CCDC102B: variants seen among roughly 807,000 people sequenced by gnomAD.
CCDC102B encodes the protein coiled-coil domain-containing protein 102B.
In CCDC102B, 75 loss-of-function variants were observed where a neutral mutation model predicts 57.4. That is an observed-to-expected ratio of 1.31 (90% CI 1.08 to 1.58). The LOEUF is 1.58. CCDC102B is among the 40% of genes most tolerant of loss of function. CCDC102B has a pLI of 0.00. For synonymous variants in CCDC102B, 206 were observed against 201.9 expected, an observed-to-expected ratio of 1.02 and a Z score of -0.17; for missense variants, 636 against 582.6, an observed-to-expected ratio of 1.09 and a Z score of -0.94.
rs371436440 is a variant in CCDC102B, at chr18:68,844,642, A to C, written c.828-1671A>C. Among the ~76,000 whole-genome samples, 22 of 152,050 alleles carry C rather than the reference A, an allele frequency of 1.4e-4. No homozygotes were observed. The South Asian group carries it at 3.9e-3, about 27-fold the overall frequency. Reference sequence around the variant, plus strand: ...ATCACCCAAAACTTAAAATGCACTCAAATGTTAGATATGCAATATATTTCA... The same window carrying C: ...ATCACCCAAAACTTAAAATGCACTCCAATGTTAGATATGCAATATATTTCA... On this transcript the variant is annotated intron_variant, in intron 3 of 7. Coordinates refer to ENST00000360242, the MANE Select transcript of CCDC102B (RefSeq NM_024781.3).
At chr18:68,871,551 G>A (rs2039239441) in intron 4 of CCDC102B, among the ~76,000 whole-genome samples, 1 of 152,032 alleles carries the variant, frequency 6.6e-6, no homozygotes, top group Non-Finnish European at 1.5e-5. Context: ...AAGTATAGTT[G>A]TTTAATTAAT....
At chr18:68,947,976 G>A (rs1037887103) in intron 6 of CCDC102B, among the ~76,000 whole-genome samples, 1 of 152,068 alleles carries the variant, frequency 6.6e-6, no homozygotes, top group African/African-American at 2.4e-5. Flanking sequence ...AATGGTAATT[G>A]TCCTAGCTGG....
intron 6 of CCDC102B, among the ~76,000 whole-genome samples, chr18:68,993,581 C>T (rs922352461): frequency 2.6e-5 from 4 of 151,984 alleles, no homozygotes; most frequent in African/African-American, 7.3e-5. Flanking sequence ...TTTAAATGAC[C>T]GATTTTATCC....
chr18:68,995,659 A>G (rs138325173), intron 6 of CCDC102B, among the ~76,000 whole-genome samples: 7 of 152,220 alleles, frequency 4.6e-5, no homozygotes, highest in African/African-American at 1.4e-4. Context: ...AAATGCCTCA[A>G]TGTCCAAGCA....
At chr18:68,832,508 T>A (rs868601121) in intron 1 of CCDC102B, among the ~76,000 whole-genome samples, 1 of 152,124 alleles carries the variant, frequency 6.6e-6, no homozygotes, top group Admixed American at 6.5e-5. Flanking sequence ...GTTGTTGTGC[T>A]GTGTTTTGTT....
At chr18:68,957,920 A>T (rs971756257) in intron 6 of CCDC102B, among the ~76,000 whole-genome samples, 5 of 151,974 alleles carry the variant, frequency 3.3e-5, no homozygotes, top group African/African-American at 1.2e-4. Context: ...CACTATTGGC[A>T]TGTATTTGTC....
intron 7 of CCDC102B, among the ~76,000 whole-genome samples, chr18:69,050,091 G>T (rs1212565382): frequency 6.6e-6 from 1 of 152,128 alleles, no homozygotes; most frequent in Non-Finnish European, 1.5e-5. Flanking sequence ...TTATAGGCAT[G>T]AGCCACTGCG....
intron 2 of CCDC102B, among the ~76,000 whole-genome samples, chr18:68,783,901 T>C (rs1366634756): frequency 2.6e-5 from 4 of 152,160 alleles, no homozygotes; most frequent in South Asian, 2.1e-4. Context: ...TTGAGTATAA[T>C]TGACTCAGGT....
intron 1 of CCDC102B, among the ~76,000 whole-genome samples, chr18:68,822,861 T>C (rs973892558): frequency 4.4e-5 from 5 of 113,586 alleles, no homozygotes; most frequent in Non-Finnish European, 8.5e-5. Context: ...GGCAGGAGAA[T>C]AGGGTCTGGA....
chr18:68,828,322 C>CAAAAAAAAAAAAAAAAAAAA (rs58180806), intron 1 of CCDC102B, among the ~76,000 whole-genome samples: 1 of 80,802 alleles, frequency 1.2e-5, no homozygotes, highest in Non-Finnish European at 2.3e-5. Flanking sequence ...ACCCTATTTA[C>CAAAAAAAAAAAAAAAAAAAA]AAAAAAAAAA....
intron 7 of CCDC102B, among the ~76,000 whole-genome samples, chr18:69,027,323 T>C (rs1257621481): frequency 6.6e-6 from 1 of 152,218 alleles, no homozygotes; most frequent in Non-Finnish European, 1.5e-5. Flanking sequence ...CTTGACATTA[T>C]TAAAACGGTT....
At chr18:68,716,464 A>G (rs1031009921) in intron 1 of CCDC102B, 2 of 152,200 alleles carry the variant, frequency 1.3e-5, no homozygotes, top group South Asian at 2.1e-4. Flanking sequence ...ACATGTGGCT[A>G]TTGAGCTTTT....
intron 4 of CCDC102B, among the ~76,000 whole-genome samples, chr18:68,849,830 A>T (rs2038043803): frequency 6.6e-6 from 1 of 152,026 alleles, no homozygotes; most frequent in Non-Finnish European, 1.5e-5. Context: ...ATTACTGTTG[A>T]CTCACATATA....
chr18:68,932,397 T>C (rs2041706085), intron 6 of CCDC102B, among the ~76,000 whole-genome samples: 1 of 151,944 alleles, frequency 6.6e-6, no homozygotes, highest in African/African-American at 2.4e-5. Context: ...GGAGAAGCAG[T>C]ACTTTTCTTA....
chr18:69,031,064 T>C (rs1295248512), intron 7 of CCDC102B, among the ~76,000 whole-genome samples: 1 of 152,238 alleles, frequency 6.6e-6, no homozygotes, highest in African/African-American at 2.4e-5. Flanking sequence ...TGCATTCAGG[T>C]GCTTATGACC....
At chr18:69,018,759 T>C (rs2051742996) in intron 7 of CCDC102B, among the ~76,000 whole-genome samples, 1 of 152,154 alleles carries the variant, frequency 6.6e-6, no homozygotes, top group African/African-American at 2.4e-5. Context: ...AGAAGCTTTT[T>C]AGTTTTATGC....
intron 3 of CCDC102B, 27 bp from the exon 4 acceptor site, chr18:68,846,286 T>G: frequency 7.1e-7 from 1 of 1,414,018 alleles, no homozygotes; most frequent in Non-Finnish European, 9.3e-7. Context: ...AGCCGACTTT[T>G]TTTCTTTTAA....
At chr18:68,760,970 T>C (rs2034235950) in intron 2 of CCDC102B, among the ~76,000 whole-genome samples, 1 of 152,014 alleles carries the variant, frequency 6.6e-6, no homozygotes, top group African/African-American at 2.4e-5. Flanking sequence ...AAATTCAGCC[T>C]CTTTTGCAGC....
chr18:68,963,803 A>ATATGTATG (rs527362804), intron 6 of CCDC102B, among the ~76,000 whole-genome samples: 39 of 151,712 alleles, frequency 2.6e-4, no homozygotes, highest in Non-Finnish European at 5.0e-4. Context: ...ATATGTGTAT[A>ATATGTATG]TATGTATGTA....
Sources: allele counts gnomAD v4.1 joint callset (sites outside exome capture counted in the v4.1 genomes callset), GRCh38; gene constraint gnomAD v4.1.1; transcripts MANE v1.5; gene names NCBI Gene and HGNC (gene_info 2026-07-23, HGNC 2026-07-21).